Variants in PAPOLG observed in about 807,000 individuals in gnomAD.
PAPOLG encodes the protein PAP-gamma.
Under a neutral mutation model 99.0 loss-of-function variants are expected in PAPOLG, and 40 were observed. The ratio of observed to expected loss-of-function variants is 0.40; its 90% CI spans 0.31 to 0.53. The LOEUF (loss-of-function observed/expected upper bound fraction) is 0.53, where lower values mean the gene tolerates loss of function less well. Among genes scored for constraint, PAPOLG ranks in the 20% least tolerant of loss-of-function variants. The pLI, the probability that PAPOLG is intolerant of heterozygous loss-of-function variation, is 0.41. For synonymous variants in PAPOLG, 310 were observed against 299.3 expected (o/e 1.04, Z -0.37); for missense variants, 675 against 884.1 (o/e 0.76, Z 3.00).
chr2:60,776,014 C>T (rs191607603), intron 8 of PAPOLG, among the ~76,000 whole-genome samples: 1 of 152,306 alleles, frequency 6.6e-6, no homozygotes, highest in Admixed American at 6.5e-5. Flanking sequence ...CCGCTCGCCT[C>T]GGCCTCCCAA....
chr2:60,794,150 T>A lies in PAPOLG; in HGVS notation c.1948T>A (p.Ser650Thr). Residue 650 changes from serine to threonine, a missense_variant, in exon 19 of 22, where the codon TCC (serine) becomes ACC (threonine). Transcript: ENST00000238714. ...TVTPKRSHSP[S>T]IDGTPKRLKD... ...TACACCTAAGAGATCCCATTCCCCA[T>A]CCATAGATGGGACTCCTAAGAGGTT... 6.2e-7 allele frequency: 1 copy of A among 1,613,336 alleles called. No homozygotes were observed. Among genetic ancestry groups the A allele is most frequent in the Non-Finnish European group, 8.5e-7 (1 of 1,179,356 alleles).
intron 14 of PAPOLG, 44 bp downstream of exon 14, chr2:60,787,110 A>C: frequency 7.0e-7 from 1 of 1,435,636 alleles, no homozygotes; most frequent in Non-Finnish European, 9.5e-7. Context: ...AAATAATGTT[A>C]TTTGGTATAT....
intron 13 of PAPOLG, among the ~76,000 whole-genome samples, chr2:60,785,664 C>G: frequency 6.6e-6 from 1 of 150,936 alleles, no homozygotes. Context: ...CTGGGGCCTG[C>G]AGGCCCTTGC....
At chr2:60,795,067 C>T (rs777582974) in intron 21 of PAPOLG, 47 bp downstream of exon 21, 66 of 1,468,932 alleles carry the variant, frequency 4.5e-5, no homozygotes, top group Non-Finnish European at 9.4e-6. Flanking sequence ...GGTAAAAACT[C>T]ATAGGTAATC....
chr2:60,768,993 G>C, intron 5 of PAPOLG, 103 bp downstream of exon 5: 5 of 854,522 alleles, frequency 5.9e-6, no homozygotes, highest in Non-Finnish European at 8.8e-6. Context: ...GTTACTATTA[G>C]GAGGTATTTA....
At chr2:60,759,287 G>C (rs1670451309) in intron 1 of PAPOLG, among the ~76,000 whole-genome samples, 1 of 151,724 alleles carries the variant, frequency 6.6e-6, no homozygotes, top group African/African-American at 2.4e-5. Flanking sequence ...AGAATTGCTT[G>C]AACCCAGGAG....
In PAPOLG at chr2:60,756,395, G is replaced by T. The variant is rs1157974516; in HGVS notation, c.-84G>T. ...GCAAGCGAGCTACTAGCGACCGGAG[G>T]AAAGTGAACAGGGGGAGAAGGGAAC... On this transcript the variant is annotated 5_prime_UTR_variant, in exon 1 of 22. Coordinates refer to ENST00000238714, the MANE Select transcript of PAPOLG (RefSeq NM_022894.4). The T allele has an allele frequency of 2.5e-6, 4 of 1,585,642 alleles. No homozygotes were observed. Among genetic ancestry groups the T allele is most frequent in the Non-Finnish European group, 3.5e-6 (4 of 1,154,654 alleles).
intron 3 of PAPOLG, among the ~76,000 whole-genome samples, chr2:60,762,422 GA>G (rs1379441126): frequency 1.3e-5 from 2 of 151,972 alleles, no homozygotes. Flanking sequence ...TCCTCCGGGG[GA>G]TTGGTTCTGG....
chr2:60,783,500 CTTTTTTT>C (rs761205449), intron 13 of PAPOLG, among the ~76,000 whole-genome samples: 9 of 45,362 alleles, frequency 2.0e-4, no homozygotes, highest in African/African-American at 3.5e-4. Flanking sequence ...TTTACCCGGC[CTTTTTTT>C]TTTTTTTTTT....
At chr2:60,778,981 A>G (rs78555650) in intron 8 of PAPOLG, among the ~76,000 whole-genome samples, 12,757 of 152,142 alleles carry the variant, frequency 0.084, 633 homozygotes, top group Middle Eastern at 0.12. Context: ...ATAGCTACGC[A>G]AGAGGCTGAG....
chr2:60,791,008 G>C (rs1671514589), intron 15 of PAPOLG, among the ~76,000 whole-genome samples: 1 of 151,924 alleles, frequency 6.6e-6, no homozygotes, highest in African/African-American at 2.4e-5. Flanking sequence ...AGAATAGCTT[G>C]AACCCCGGAG....
intron 1 of PAPOLG, among the ~76,000 whole-genome samples, chr2:60,758,002 G>A (rs1310893052): frequency 6.6e-6 from 1 of 152,138 alleles, no homozygotes; most frequent in Non-Finnish European, 1.5e-5. Context: ...AGTGGAAAGA[G>A]GTTTTGGAGT....
At chr2:60,756,647 C>A (rs1670350396) in intron 1 of PAPOLG, 152 bp downstream of exon 1, 1 of 852,002 alleles carries the variant, frequency 1.2e-6, no homozygotes, top group Non-Finnish European at 1.8e-6. Context: ...TCCGCAAGGG[C>A]ACCTCCCCTA....
chr2:60,778,482 G>C (rs1372090397), intron 8 of PAPOLG, among the ~76,000 whole-genome samples: 14 of 152,054 alleles, frequency 9.2e-5, no homozygotes, highest in African/African-American at 3.4e-4. Flanking sequence ...CTGGCTGAGT[G>C]TGACAGTTAA....
Position 60,792,215 on chromosome 2 carries a change from A to C in PAPOLG, c.1605A>C (p.Arg535Ser). The part of the protein sequence containing the change: ...SLDSSCLDSS[R>S]DTDNGTPFNS... The stretch of plus-strand genomic sequence containing the variant: ...ATAGCAGTTGTCTGGATAGCTCCAG[A>C]GACACTGATAATGGAACACCTTTTA... The change falls in exon 17 of 22, where the codon AGA (arginine) becomes AGC (serine). Residue 535 changes from arginine (R) to serine (S), a missense_variant. Physicochemically the swap from Arg to Ser is moderately radical, Grantham distance 110. Coordinates refer to ENST00000238714, the MANE Select transcript of PAPOLG (RefSeq NM_022894.4). The C allele has an allele frequency of 6.2e-7, 1 of 1,609,882 alleles. No homozygotes were observed. Among genetic ancestry groups the C allele is most frequent in the African/African-American group, 1.3e-5 (1 of 74,748 alleles).
rs1156283489 is a variant in PAPOLG, at chr2:60,799,152, G to T, written c.*1992G>T. 1 of 152,338 alleles carries T rather than the reference G, an allele frequency of 6.6e-6. No homozygotes were observed. Among genetic ancestry groups the T allele is most frequent in the African/African-American group, 2.4e-5 (1 of 41,450 alleles). The allele number at this position is 152,338 out of a possible 1,614,324, so 9.4% of individuals were successfully genotyped here. Reference sequence around the variant, plus strand: ...TAAATTTTATATACTGGATGTGTATGCATTTCTGCATTTCATATCTTTTGC... The same window carrying T: ...TAAATTTTATATACTGGATGTGTATTCATTTCTGCATTTCATATCTTTTGC... On this transcript the variant is annotated 3_prime_UTR_variant, in exon 22 of 22. Coordinates refer to ENST00000238714, the MANE Select transcript of PAPOLG (RefSeq NM_022894.4).
chr2:60,788,055 GA>G lies in PAPOLG; in HGVS notation c.1396+445del, dbSNP rs922658590. Among the ~76,000 whole-genome samples the G allele has an allele frequency of 4.1e-3, 590 of 145,026 alleles. 6 individuals carry two copies. The highest frequency in any genetic ancestry group is 0.014 in the African/African-American group (559 of 39,650). On this transcript the variant is annotated intron_variant, in intron 15 of 21. Transcript: ENST00000238714. Reference sequence around the variant, plus strand: ...AGACTGTCTCAAAAAAAGAAAAAAAGAAAAAAAAAAGCATTATGAAGCAATT... The same window carrying G: ...AGACTGTCTCAAAAAAAGAAAAAAAGAAAAAAAAAGCATTATGAAGCAATT...
Position 60,801,016 on chromosome 2 carries a change from G to C in PAPOLG, c.*3856G>C, listed in dbSNP as rs1671823997. 6.6e-6 allele frequency: 1 copy of C among 152,230 alleles called. No homozygotes were observed. Among genetic ancestry groups the C allele is most frequent in the Non-Finnish European group, 1.5e-5 (1 of 68,030 alleles). 9.4% of individuals were successfully genotyped at this position (152,230 alleles called of 1,614,324 possible). Reference sequence around the variant, plus strand: ...ATGCTTAATCTCAGATTTACAGATGGCCTCATGATAACTTAGATTCGTTAA... The same window carrying C: ...ATGCTTAATCTCAGATTTACAGATGCCCTCATGATAACTTAGATTCGTTAA... On this transcript the variant is annotated 3_prime_UTR_variant, in exon 22 of 22. Transcript: ENST00000238714.
intron 7 of PAPOLG, among the ~76,000 whole-genome samples, chr2:60,773,333 G>A (rs1432998768): frequency 2.0e-5 from 3 of 152,124 alleles, no homozygotes; most frequent in African/African-American, 7.2e-5. Context: ...GCAGTCCCAG[G>A]CAACCACTAA....
Sources: gnomAD v4.1 joint callset for allele counts (sites outside exome capture counted in the v4.1 genomes callset) on GRCh38, gnomAD v4.1.1 for gene constraint, MANE v1.5 for transcripts, NCBI Gene and HGNC (gene_info 2026-07-23, HGNC 2026-07-21) for gene names.